OFD1: variants seen among roughly 807,000 people sequenced by gnomAD.
The protein encoded by OFD1 is OFD1 centriole and centriolar satellite protein.
Under a neutral mutation model 81.4 loss-of-function variants are expected in OFD1, and 12 were observed. That is an observed-to-expected ratio of 0.15 (90% confidence interval 0.09 to 0.24). The LOEUF is 0.24. Ranked by LOEUF, OFD1 falls within the 10% of genes least tolerant of loss-of-function variation. The pLI is 1.00. For synonymous variants in OFD1, 256 were observed against 263.7 expected (o/e 0.97, Z 0.28); for missense variants, 685 against 733.9 (o/e 0.93, Z 0.77).
downstream of OFD1, chrX:13,772,650 A>G (rs1245181962): frequency 1.8e-5 from 6 of 332,604 alleles, no homozygotes; most frequent in Non-Finnish European, 3.2e-5. Context: ...TCATTTTGTC[A>G]AAGTGTTGCC....
rs2147088923 is a variant in OFD1, at chrX:13,768,712, A to G, written c.2929-6A>G. 1 of 1,205,144 alleles carries G rather than the reference A, an allele frequency of 8.3e-7. No individual in the cohort carries two copies. On this transcript the variant is annotated splice_region_variant and splice_polypyrimidine_tract_variant and intron_variant, in intron 21 of 22. Transcript: ENST00000340096. ...TCAAAATTTTCCACCCTCTCCATGTAATCAGAGCTCAAAAAAGATGGTCCA... is the reference window on the plus strand; with the variant it reads ...TCAAAATTTTCCACCCTCTCCATGTGATCAGAGCTCAAAAAAGATGGTCCA...
intron 8 of OFD1, among the ~76,000 whole-genome samples, chrX:13,749,220 A>G (rs1275087831): frequency 9.0e-6 from 1 of 111,518 alleles, no homozygotes; most frequent in Non-Finnish European, 1.9e-5. Context: ...CTGTAGGGTA[A>G]TGGTAGTTTA....
At chrX:13,754,067 C>T (rs1234529349) in intron 11 of OFD1, among the ~76,000 whole-genome samples, 1 of 109,756 alleles carries the variant, frequency 9.1e-6, no homozygotes, top group Non-Finnish European at 1.9e-5. Context: ...CTACAAGCTC[C>T]ACCTCCCAGG....
intron 5 of OFD1, chrX:13,739,245 C>G (rs2046992514): frequency 6.0e-6 from 2 of 330,858 alleles, no homozygotes; most frequent in African/African-American, 5.9e-5. Flanking sequence ...GCCCTACAGA[C>G]AGGCTGAAAG....
upstream of OFD1, among the ~76,000 whole-genome samples, chrX:13,730,225 G>GA (rs772338405): frequency 7.7e-3 from 783 of 101,185 alleles, 3 homozygotes; most frequent in African/African-American, 0.024. Flanking sequence ...AAATTTATAA[G>GA]AAAAAAAAAA....
At chrX:13,755,731 T>C (rs2047676166) in intron 12 of OFD1, among the ~76,000 whole-genome samples, 2 of 111,864 alleles carry the variant, frequency 1.8e-5, no homozygotes, top group Admixed American at 9.5e-5. Context: ...TTTTCACATA[T>C]CATTGCTTCT....
chrX:13,719,891 C>CT, the OFD1 span: 1 of 1,199,211 alleles, frequency 8.3e-7, no homozygotes, highest in Non-Finnish European at 1.1e-6. Flanking sequence ...GCCTTCCCAG[C>CT]TGGCAAAAAC....
rs1005363677 is a variant in OFD1, at chrX:13,739,059, C to T, written c.412+27C>T. 7 of 1,176,917 alleles carry T rather than the reference C, an allele frequency of 5.9e-6. No individual in the cohort carries two copies. In the African/African-American group the frequency reaches 1.2e-4, roughly 21 times the overall value. ...TAGGAGCCGTCATCTTTGTAGAGAA[C>T]AGCAACAGTTTTCTATGTACTTTTT... On this transcript the variant is annotated intron_variant, in intron 5 of 22. Coordinates refer to ENST00000340096, the MANE Select transcript of OFD1 (RefSeq NM_003611.3).
the OFD1 span, among the ~76,000 whole-genome samples, chrX:13,719,603 T>C: frequency 8.9e-6 from 1 of 112,093 alleles, no homozygotes; most frequent in African/African-American, 3.2e-5. Flanking sequence ...ACTATGTCTT[T>C]ATGTGCTTAA....
At position 13,762,449 on chromosome X, in the gene OFD1, G is replaced by A; in HGVS notation, c.2488+5G>A. On this transcript the variant is annotated splice_donor_5th_base_variant and intron_variant, in intron 18 of 22. Transcript: ENST00000340096. ...AGTTTGAATCATCTTTTGAATGTAA[G>A]TTCAAATATAAATACCAGTTTTTAT... 9.4e-7 allele frequency: 1 copy of A among 1,065,148 alleles called. No homozygotes were observed. Among genetic ancestry groups the A allele is most frequent in the Non-Finnish European group, 1.3e-6 (1 of 762,014 alleles). 87.8% of individuals were successfully genotyped at this position (1,065,148 alleles called of 1,213,427 possible).
chrX:13,720,119 C>T, the OFD1 span: 1 of 395,156 alleles, frequency 2.5e-6, no homozygotes, highest in Non-Finnish European at 4.1e-6. Flanking sequence ...TGGCAGTTTC[C>T]AGTATACTAG....
At position 13,740,116 on chromosome X, in the gene OFD1, G is replaced by A. The variant is rs2047032540; in HGVS notation, c.412+1084G>A. 2.5e-5 allele frequency: 24 copies of A among 963,909 alleles called. No individual in the cohort carries two copies. In the South Asian group the frequency reaches 4.2e-4, roughly 17 times the overall value. The allele number at this position is 963,909 out of a possible 1,213,427, so 79.4% of individuals were successfully genotyped here. Reference sequence around the variant, plus strand: ...ATTAAGTCTGTGACTTAATCGCCAAGTCTCTTGGTAGTAATGTTAGCAGAA... The same window carrying A: ...ATTAAGTCTGTGACTTAATCGCCAAATCTCTTGGTAGTAATGTTAGCAGAA... On this transcript the variant is annotated intron_variant, in intron 5 of 22. Coordinates refer to ENST00000340096, the MANE Select transcript of OFD1 (RefSeq NM_003611.3).
chrX:13,726,350 C>G, the OFD1 span, among the ~76,000 whole-genome samples: 1 of 111,759 alleles, frequency 8.9e-6, no homozygotes, highest in Non-Finnish European at 1.9e-5. Flanking sequence ...ATGTTAAGGG[C>G]AGCAGAGAGA....
intron 5 of OFD1, 194 bp downstream of exon 5, chrX:13,739,226 G>T: frequency 8.5e-6 from 3 of 352,879 alleles, no homozygotes; most frequent in Non-Finnish European, 1.5e-5. Flanking sequence ...ACTGTAGACA[G>T]TATCAAAGGC....
At chrX:13,735,563 A>AAAT (rs2046828144) in intron 2 of OFD1, among the ~76,000 whole-genome samples, 1 of 112,729 alleles carries the variant, frequency 8.9e-6, no homozygotes, top group Non-Finnish European at 1.9e-5. Flanking sequence ...TTAAAGGAGC[A>AAAT]TATTCAAATA....
chrX:13,749,321 TA>T, intron 8 of OFD1, 105 bp from the exon 9 acceptor site: 1 of 514,838 alleles, frequency 1.9e-6, no homozygotes, highest in Non-Finnish European at 3.5e-6. Context: ...ATTGTTATCC[TA>T]AATGTCTGTA....
intron 17 of OFD1, among the ~76,000 whole-genome samples, 196 bp from the exon 18 acceptor site, chrX:13,762,148 C>T (rs1173107801): frequency 9.0e-6 from 1 of 111,034 alleles, no homozygotes; most frequent in East Asian, 2.8e-4. Context: ...GAAATAGTTA[C>T]AAGGAGTAAC....
chrX:13,736,571 C>G lies in OFD1; in HGVS notation c.205C>G (p.Leu69Val), dbSNP rs2046876167. ...GTCCATTTCAGTAGAAGGGAGCTCC[C>G]TCTTAATAGGCGCCTCTAACTCTTT... is the stretch of plus-strand genomic sequence containing the variant. Reference protein sequence around the residue: ...PRSISVEGSSLLIGASNSLVA... With the variant: ...PRSISVEGSSVLIGASNSLVA... Residue 69 changes from leucine to valine, a missense_variant, in exon 3 of 23, where the codon CTC becomes GTC. Transcript: ENST00000340096. 8.3e-7 allele frequency: 1 copy of G among 1,209,030 alleles called. No homozygotes were observed. Among genetic ancestry groups the G allele is most frequent in the Non-Finnish European group, 1.1e-6 (1 of 892,915 alleles).
intron 10 of OFD1, among the ~76,000 whole-genome samples, chrX:13,752,167 C>T (rs2047528495): frequency 8.9e-6 from 1 of 111,917 alleles, no homozygotes; most frequent in African/African-American, 3.3e-5. Context: ...CTATGTGAGG[C>T]AAAAAGTGAT....
Sources: allele counts gnomAD v4.1 joint callset (sites outside exome capture counted in the v4.1 genomes callset), GRCh38; gene constraint gnomAD v4.1.1; transcripts MANE v1.5; gene names NCBI Gene and HGNC (gene_info 2026-07-23, HGNC 2026-07-21).